The following NAT16 variants were observed in gnomAD, a reference collection of about 807,000 sequenced individuals.
NAT16 encodes probable N-acetyltransferase 16.
In NAT16, 16 loss-of-function variants were observed where a neutral mutation model predicts 15.9. That is an observed-to-expected ratio of 1.01 (90% CI 0.68 to 1.53). The LOEUF (loss-of-function observed/expected upper bound fraction) is 1.53, where lower values mean the gene tolerates loss of function less well. NAT16 is among the 40% of genes most tolerant of loss of function. The pLI is 0.00. For synonymous variants in NAT16, 260 were observed against 241.9 expected (o/e 1.07, Z -0.69); for missense variants, 572 against 508.4 (o/e 1.13, Z -1.20).
intron 1 of NAT16, among the ~76,000 whole-genome samples, chr7:101,175,737 G>A (rs1029209484): frequency 1.3e-5 from 2 of 152,070 alleles, no homozygotes; most frequent in African/African-American, 4.8e-5. Flanking sequence ...AGAACAGCCT[G>A]GGCAATATAG....
chr7:101,175,422 T>C (rs1378466232), intron 1 of NAT16, among the ~76,000 whole-genome samples: 1 of 152,042 alleles, frequency 6.6e-6, no homozygotes, highest in Non-Finnish European at 1.5e-5. Flanking sequence ...CTTTCTTTTC[T>C]GCTGTCCACA....
rs1489242416 is a variant in NAT16, at chr7:101,173,317, T to A, written c.516A>T (p.Lys172Asn). The A allele has an allele frequency of 1.2e-6, 2 of 1,613,834 alleles. No individual in the cohort carries two copies. The highest frequency in any genetic ancestry group is 1.7e-6 in the Non-Finnish European group (2 of 1,179,970). ...DDQLGPRELK[K>N]YRLITKQGIL... Reference sequence around the variant, plus strand: ...TCACCTGCTTGGTGATTAGGCGGTATTTCTTCAGCTCCCGGGGGCCCAGCT... The same window carrying A: ...TCACCTGCTTGGTGATTAGGCGGTAATTCTTCAGCTCCCGGGGGCCCAGCT... Residue 172 changes from lysine to asparagine, a missense_variant, in exon 3 of 4, where the codon AAA becomes AAT. Transcript: ENST00000300303.
At chr7:101,178,889 CAA>C (rs71126381) in intron 1 of NAT16, among the ~76,000 whole-genome samples, 13 of 62,088 alleles carry the variant, frequency 2.1e-4, no homozygotes, top group East Asian at 8.8e-4. Context: ...GAAACGCTGT[CAA>C]AAAAAAAAAA....
Position 101,174,710 on chromosome 7 carries a change from G to A in NAT16, c.98C>T (p.Pro33Leu). 6.2e-7 allele frequency: 1 copy of A among 1,613,048 alleles called. No individual in the cohort carries two copies. Among genetic ancestry groups the A allele is most frequent in the Non-Finnish European group, 8.5e-7 (1 of 1,179,996 alleles). The change falls in exon 2 of 4, where the codon CCA becomes CTA. Residue 33 changes from proline to leucine, a missense_variant. By Grantham distance (98) the Pro-to-Leu change is moderately conservative. Transcript: ENST00000300303. ...RDAEPSSETR[P>L]QEVEAEPRSG... is the part of the protein sequence containing the mutation. ...CCTGGGCTCGGCCTCCACCTCCTGTGGCCGGGTTTCAGAGCTTGGCTCTGC... is the reference window on the plus strand; with the variant it reads ...CCTGGGCTCGGCCTCCACCTCCTGTAGCCGGGTTTCAGAGCTTGGCTCTGC...
In NAT16 at chr7:101,172,742, C is replaced by T. The variant is rs557111832; in HGVS notation, c.538-91G>A. The T allele has an allele frequency of 3.0e-4, 321 of 1,063,328 alleles. No individual in the cohort carries two copies. The highest frequency in any genetic ancestry group is 3.9e-4 in the Non-Finnish European group (305 of 778,582). 65.9% of individuals were successfully genotyped at this position (1,063,328 alleles called of 1,614,324 possible). ...CGGCAGGCATCTTCACTCCCACGTT[C>T]ACGCCCACGGGCTCCCACCTGGGTC... is the stretch of plus-strand genomic sequence containing the variant. On this transcript the variant is annotated intron_variant, in intron 3 of 3. Coordinates refer to ENST00000300303, the MANE Select transcript of NAT16 (RefSeq NM_198571.3). This position sits in a 1 kb window ranked among gnomAD's most constrained non-coding sequence, Gnocchi z 4.2.
intron 1 of NAT16, among the ~76,000 whole-genome samples, chr7:101,177,722 T>C (rs1797497578): frequency 6.6e-6 from 1 of 152,148 alleles, no homozygotes; most frequent in South Asian, 2.1e-4. Context: ...TACTGGGTCC[T>C]TGAACAGGAG....
Position 101,172,582 on chromosome 7 carries a change from G to A in NAT16, c.607C>T (p.Arg203Trp). The change falls in exon 4 of 4, where the codon CGG becomes TGG. Residue 203 changes from arginine to tryptophan, a missense_variant. Coordinates refer to ENST00000300303, the MANE Select transcript of NAT16 (RefSeq NM_198571.3). The surrounding 1 kb of genome is among the most constrained non-coding windows in gnomAD (Gnocchi z 4.2). Reference sequence around the variant, plus strand: ...AGCGGCGAGAAGGTGCCAGAGGTCCGCAGCGCCGCCAGCCGCGCGCCCAGC... The same window carrying A: ...AGCGGCGAGAAGGTGCCAGAGGTCCACAGCGCCGCCAGCCGCGCGCCCAGC... ...AGLGARLAAL[R>W]TSGTFSPLPT... 6.5e-7 allele frequency: 1 copy of A among 1,531,346 alleles called. No homozygotes were observed. Among genetic ancestry groups the A allele is most frequent in the East Asian group, 2.5e-5 (1 of 39,692 alleles). 94.9% of individuals were successfully genotyped at this position (1,531,346 alleles called of 1,614,324 possible).
At chr7:101,177,874 C>T (rs1372432708) in intron 1 of NAT16, among the ~76,000 whole-genome samples, 6 of 152,202 alleles carry the variant, frequency 3.9e-5, no homozygotes, top group Admixed American at 6.5e-5. Context: ...AGCCCCAGAC[C>T]TCTTGCACCA....
intron 1 of NAT16, among the ~76,000 whole-genome samples, chr7:101,176,524 A>G (rs1333962963): frequency 6.6e-6 from 1 of 151,456 alleles, no homozygotes; most frequent in African/African-American, 2.4e-5. Context: ...AAAAAGAAGA[A>G]GAAAATGTCA....
At chr7:101,174,917 T>A (rs1797433700) in intron 1 of NAT16, 106 bp from the exon 2 acceptor site, 1 of 1,246,902 alleles carries the variant, frequency 8.0e-7, no homozygotes, top group Admixed American at 3.6e-5. Flanking sequence ...AAATAGCCTT[T>A]CTTTTTCTTT....
At position 101,174,706 on chromosome 7, in the gene NAT16, C is replaced by T. The variant is rs375364120; in HGVS notation, c.102G>A (p.Gln34=). The change falls in exon 2 of 4, where the codon CAG becomes CAA. Residue 34 remains glutamine (Q), a synonymous_variant. Transcript: ENST00000300303. ...CCGACCTGGGCTCGGCCTCCACCTC[C>T]TGTGGCCGGGTTTCAGAGCTTGGCT... is the stretch of plus-strand genomic sequence containing the variant. ...DAEPSSETRP[Q]EVEAEPRSGS... The T allele has an allele frequency of 3.7e-6, 6 of 1,613,334 alleles. No individual in the cohort carries two copies. The highest frequency in any genetic ancestry group is 1.1e-5 in the South Asian group (1 of 91,090).
chr7:101,173,215 G>A, intron 3 of NAT16, 81 bp downstream of exon 3: 2 of 1,265,204 alleles, frequency 1.6e-6, no homozygotes, highest in South Asian at 2.4e-5. Flanking sequence ...GAGCAAGCCC[G>A]TGTTCTGCTG....
rs1171901403 is a variant in NAT16, at chr7:101,173,341, C to T, written c.492G>A (p.Gln164=). ...VKVARLTRDD[Q]LGPRELKKYR... Reference sequence around the variant, plus strand: ...ATTTCTTCAGCTCCCGGGGGCCCAGCTGGTCGTCCCGGGTGAGCCGTGCCA... The same window carrying T: ...ATTTCTTCAGCTCCCGGGGGCCCAGTTGGTCGTCCCGGGTGAGCCGTGCCA... Residue 164 remains glutamine (Q), a synonymous_variant, in exon 3 of 4, where the codon CAG becomes CAA. Coordinates refer to ENST00000300303, the MANE Select transcript of NAT16 (RefSeq NM_198571.3). 2 of 1,614,072 alleles carry T rather than the reference C, an allele frequency of 1.2e-6. No homozygotes were observed. Among genetic ancestry groups the T allele is most frequent in the South Asian group, 2.2e-5 (2 of 91,074 alleles).
chr7:101,175,906 A>G (rs13244990), intron 1 of NAT16, among the ~76,000 whole-genome samples: 41,694 of 134,032 alleles, frequency 0.31, 6,130 homozygotes, highest in South Asian at 0.42. Context: ...TGTGTGACAG[A>G]GAGAGAACCT....
At chr7:101,175,990 A>G (rs1199601779) in intron 1 of NAT16, among the ~76,000 whole-genome samples, 1 of 151,938 alleles carries the variant, frequency 6.6e-6, no homozygotes, top group South Asian at 2.1e-4. Context: ...TGCAAGGACA[A>G]CATGAGAAAG....
chr7:101,177,216 A>G (rs753135648), intron 1 of NAT16, among the ~76,000 whole-genome samples: 5 of 152,234 alleles, frequency 3.3e-5, no homozygotes, highest in African/African-American at 4.8e-5. Context: ...TCATTTCATA[A>G]TCAAGGAGAT....
chr7:101,173,217 G>A, intron 3 of NAT16, 79 bp downstream of exon 3: 1 of 1,294,526 alleles, frequency 7.7e-7, no homozygotes, highest in Non-Finnish European at 1.1e-6. Context: ...GCAAGCCCGT[G>A]TTCTGCTGGG....
In NAT16 at chr7:101,174,827, G is replaced by C; in HGVS notation, c.-4-16C>G. 6.5e-7 allele frequency: 1 copy of C among 1,526,970 alleles called. No individual in the cohort carries two copies. The highest frequency in any genetic ancestry group is 8.8e-7 in the Non-Finnish European group (1 of 1,141,876). The allele number at this position is 1,526,970 out of a possible 1,614,324, so 94.6% of individuals were successfully genotyped here. A position where few individuals can be genotyped will look rare whatever the true frequency, so the allele number is the denominator to read the frequency against. On this transcript the variant is annotated splice_polypyrimidine_tract_variant and intron_variant, in intron 1 of 3. Coordinates refer to ENST00000300303, the MANE Select transcript of NAT16 (RefSeq NM_198571.3). ...CTTCATGACCCTGCAGAAAAAAAGA[G>C]AATTCAGCACCTGGATCAGCCCCTT...
Position 101,171,180 on chromosome 7 carries a change from ACAC to A in NAT16, c.*896_*898del, listed in dbSNP as rs3216980. 12 of 152,058 alleles carry A rather than the reference ACAC, an allele frequency of 7.9e-5. No individual in the cohort carries two copies. Among genetic ancestry groups the A allele is most frequent in the African/African-American group, 2.4e-4 (10 of 41,206 alleles). The allele number at this position is 152,058 out of a possible 1,614,324, so 9.4% of individuals were successfully genotyped here. A position where few individuals can be genotyped will look rare whatever the true frequency, so the allele number is the denominator to read the frequency against. On this transcript the variant is annotated 3_prime_UTR_variant, in exon 4 of 4. Transcript: ENST00000300303. ...CTTCAGCTAGAACCACACCACACACACACCACCACCACCACCACCACCCCGCCC... is the reference window on the plus strand; with the variant it reads ...CTTCAGCTAGAACCACACCACACACACACCACCACCACCACCACCCCGCCC...
Sources: allele counts gnomAD v4.1 joint callset (sites outside exome capture counted in the v4.1 genomes callset), GRCh38; gene constraint gnomAD v4.1.1; non-coding constraint Gnocchi (gnomAD v3.1); transcripts MANE v1.5; gene names NCBI Gene and HGNC (gene_info 2026-07-23, HGNC 2026-07-21).